MAGI1: variants seen among roughly 807,000 people sequenced by gnomAD.
MAGI1 encodes the protein membrane-associated guanylate kinase, WW and PDZ domain-containing protein 1.
Under a neutral mutation model 139.9 loss-of-function variants are expected in MAGI1, and 58 were observed. The observed-to-expected ratio is 0.41, with a 90% CI of 0.34 to 0.52. The LOEUF (loss-of-function observed/expected upper bound fraction) is 0.52, where lower values mean the gene tolerates loss of function less well. Ranked by LOEUF, MAGI1 falls within the 20% of genes least tolerant of loss-of-function variation. The pLI is 0.12. For synonymous variants in MAGI1, 812 were observed against 737.9 expected, an observed-to-expected ratio of 1.10 and a Z score of -1.63; for missense variants, 1,874 against 1,901.6, an observed-to-expected ratio of 0.99 and a Z score of 0.27.
At chr3:65,870,759 C>T (rs1409256043) in intron 1 of MAGI1, among the ~76,000 whole-genome samples, 1 of 150,268 alleles carries the variant, frequency 6.7e-6, no homozygotes, top group Non-Finnish European at 1.5e-5. Context: ...TGAAGAAAGA[C>T]TAAGACTTTT....
intron 1 of MAGI1, among the ~76,000 whole-genome samples, chr3:65,743,309 G>C (rs1394159690): frequency 6.6e-6 from 1 of 152,142 alleles, no homozygotes; most frequent in Non-Finnish European, 1.5e-5. Flanking sequence ...ATATAGTCTA[G>C]AAGATTCCTA....
At chr3:66,033,151 C>T (rs892078061) in intron 1 of MAGI1, among the ~76,000 whole-genome samples, 1 of 151,848 alleles carries the variant, frequency 6.6e-6, no homozygotes, top group African/African-American at 2.4e-5. Context: ...ACTCTGCCTC[C>T]CGAGTAGCTG....
chr3:65,692,111 T>TA (rs199948586), intron 1 of MAGI1, among the ~76,000 whole-genome samples: 53 of 150,136 alleles, frequency 3.5e-4, no homozygotes, highest in Admixed American at 6.6e-4. Flanking sequence ...GACCTTTTTT[T>TA]AAAAAAAAAA....
At chr3:65,416,667 A>G (rs1333358434) in intron 12 of MAGI1, among the ~76,000 whole-genome samples, 1 of 152,222 alleles carries the variant, frequency 6.6e-6, no homozygotes, top group Non-Finnish European at 1.5e-5. Flanking sequence ...TGCAAAAAGG[A>G]ACACTATTAA....
rs2106673635 is a variant in MAGI1, at chr3:65,356,597, G to A, written c.4170C>T (p.Gly1390=). 3 of 1,595,430 alleles carry A rather than the reference G, an allele frequency of 1.9e-6. No individual in the cohort carries two copies. The highest frequency in any genetic ancestry group is 2.6e-6 in the Non-Finnish European group (3 of 1,171,524). Residue 1390 remains glycine (G), a synonymous_variant, in exon 23 of 23, where the codon GGC becomes GGT. Coordinates refer to ENST00000402939, the MANE Select transcript of MAGI1 (RefSeq NM_001033057.2). ...TGGACTTGGCCCTGCGCTCGGGCGAGCCCCCTCTCCTGCGCTCGGGGGACC... is the reference window on the plus strand; with the variant it reads ...TGGACTTGGCCCTGCGCTCGGGCGAACCCCCTCTCCTGCGCTCGGGGGACC... ...QRRSPERRRG[G]SPERRAKSTD... is the part of the protein sequence containing the mutation.
chr3:65,670,101 A>G (rs2086764135), intron 1 of MAGI1, among the ~76,000 whole-genome samples: 1 of 152,152 alleles, frequency 6.6e-6, no homozygotes, highest in Non-Finnish European at 1.5e-5. Flanking sequence ...TTTTAGCAGA[A>G]TTCATGTTGC....
chr3:65,587,645 T>A (rs1403499676), intron 2 of MAGI1, among the ~76,000 whole-genome samples: 1 of 151,870 alleles, frequency 6.6e-6, no homozygotes, highest in Admixed American at 6.6e-5. Context: ...CATGCCCAGC[T>A]AATTGTTCTA....
chr3:65,950,059 C>CAAAAAAAAAA (rs1264298678), intron 1 of MAGI1, among the ~76,000 whole-genome samples: 3 of 13,458 alleles, frequency 2.2e-4, no homozygotes, highest in African/African-American at 4.3e-4. Context: ...AAAAAAAAAA[C>CAAAAAAAAAA]AAAAAAACAA....
intron 2 of MAGI1, among the ~76,000 whole-genome samples, chr3:65,589,928 T>C (rs572635119): frequency 6.6e-6 from 1 of 152,110 alleles, no homozygotes; most frequent in South Asian, 2.1e-4. Flanking sequence ...CTCCTTGGCA[T>C]CTCTGTGTCC....
chr3:65,990,814 C>A (rs1254782184), intron 1 of MAGI1, among the ~76,000 whole-genome samples: 2 of 152,194 alleles, frequency 1.3e-5, no homozygotes, highest in East Asian at 1.9e-4. Flanking sequence ...CTCTATCAAA[C>A]CTTCTGATTT....
intron 1 of MAGI1, among the ~76,000 whole-genome samples, chr3:65,971,143 C>A (rs1230386118): frequency 6.6e-6 from 1 of 152,198 alleles, no homozygotes; most frequent in Non-Finnish European, 1.5e-5. Context: ...GTAGAGGCTG[C>A]AGTTAGCCAA....
At chr3:65,565,228 C>G (rs1024897971) in intron 2 of MAGI1, among the ~76,000 whole-genome samples, 1 of 152,184 alleles carries the variant, frequency 6.6e-6, no homozygotes, top group African/African-American at 2.4e-5. Flanking sequence ...TCTTCAGTAT[C>G]TGATGCTGTA....
chr3:65,493,997 G>A (rs1952243425), intron 2 of MAGI1, among the ~76,000 whole-genome samples: 1 of 152,132 alleles, frequency 6.6e-6, no homozygotes, highest in African/African-American at 2.4e-5. Flanking sequence ...TACTAAAAAC[G>A]TATCCACCTT....
At chr3:65,966,967 T>C (rs2064779929) in intron 1 of MAGI1, among the ~76,000 whole-genome samples, 2 of 152,214 alleles carry the variant, frequency 1.3e-5, no homozygotes, top group Admixed American at 1.3e-4. Context: ...ATACATTTAA[T>C]CTCACAAAAC....
chr3:65,785,879 AAT>A (rs1406804100), intron 1 of MAGI1, among the ~76,000 whole-genome samples: 2 of 152,110 alleles, frequency 1.3e-5, no homozygotes, highest in Non-Finnish European at 2.9e-5. Flanking sequence ...AATCAAGTGT[AAT>A]TTTTTAGGCC....
intron 18 of MAGI1, among the ~76,000 whole-genome samples, chr3:65,365,812 C>T (rs546416829): frequency 6.6e-6 from 1 of 152,290 alleles, no homozygotes; most frequent in Admixed American, 6.5e-5. Context: ...TTACTGAATA[C>T]ATGTATCTTC....
intron 18 of MAGI1, among the ~76,000 whole-genome samples, chr3:65,365,551 G>A (rs1941336339): frequency 6.6e-6 from 1 of 152,132 alleles, no homozygotes; most frequent in African/African-American, 2.4e-5. Context: ...TATAGTAATA[G>A]CTATATGTTC....
At chr3:65,675,353 G>T (rs2087122260) in intron 1 of MAGI1, among the ~76,000 whole-genome samples, 1 of 152,090 alleles carries the variant, frequency 6.6e-6, no homozygotes, top group South Asian at 2.1e-4. Flanking sequence ...AATCAATTTG[G>T]AAAGCTGCAG....
chr3:65,929,584 C>T (rs1255329258), intron 1 of MAGI1, among the ~76,000 whole-genome samples: 1 of 152,052 alleles, frequency 6.6e-6, no homozygotes, highest in African/African-American at 2.4e-5. Context: ...CCACCCACCT[C>T]GGCCTCCCAA....
Sources: allele counts gnomAD v4.1 joint callset (sites outside exome capture counted in the v4.1 genomes callset), GRCh38; gene constraint gnomAD v4.1.1; transcripts MANE v1.5; gene names NCBI Gene and HGNC (gene_info 2026-07-23, HGNC 2026-07-21).